The following MED26 variants were observed in gnomAD, a reference collection of about 807,000 sequenced individuals.
The protein encoded by MED26 is mediator of RNA polymerase II transcription subunit 26.
In MED26, 7 loss-of-function variants were observed where a neutral mutation model predicts 43.7. The ratio of observed to expected loss-of-function variants is 0.16; its 90% CI spans 0.09 to 0.30. The LOEUF is 0.30. Ranked by LOEUF, MED26 falls within the 10% of genes least tolerant of loss-of-function variation. The probability of loss-of-function intolerance (pLI) is 1.00; values close to 1 mark genes in which losing one functional copy is unlikely to be tolerated. For synonymous variants in MED26, 375 were observed against 371.1 expected (o/e 1.01, Z -0.12); for missense variants, 784 against 840.6 (o/e 0.93, Z 0.83).
chr19:16,622,731 A>G (rs1389310514), intron 1 of MED26, among the ~76,000 whole-genome samples: 1 of 152,186 alleles, frequency 6.6e-6, no homozygotes, highest in Non-Finnish European at 1.5e-5. Flanking sequence ...GGGACAGCCT[A>G]CCACTAGGAA....
At chr19:16,599,067 C>T (rs537993140) in intron 1 of MED26, among the ~76,000 whole-genome samples, 1 of 152,272 alleles carries the variant, frequency 6.6e-6, no homozygotes, top group East Asian at 1.9e-4. Flanking sequence ...TGTGTCCTGG[C>T]GCTGGTGCAG....
intron 1 of MED26, among the ~76,000 whole-genome samples, chr19:16,591,452 C>T (rs62116876): frequency 1.8e-3 from 271 of 152,324 alleles, no homozygotes; most frequent in Non-Finnish European, 3.2e-3. Flanking sequence ...TTGTGCACTG[C>T]ACTGATTAGG....
chr19:16,627,066 T>C (rs1319705366), intron 1 of MED26, among the ~76,000 whole-genome samples: 1 of 152,116 alleles, frequency 6.6e-6, no homozygotes, highest in Non-Finnish European at 1.5e-5. Flanking sequence ...ACCACCAGGC[T>C]GAGACCCCCA....
rs969017157 is a variant in MED26 at position 16,576,791 on chromosome 19, T to C, written c.1039A>G (p.Ser347Gly). ...CCCGGCCCCGCCAGCCGCTGGTGGC[T>C]CTCAGGCTGCTCAAGCCAGCACACT... ...SPVCWLEQPE[S>G]HQRLAGPGCK... Residue 347 changes from serine (S) to glycine (G), a missense_variant, in exon 3 of 3, where the codon AGC (serine) becomes GGC (glycine). Ser to Gly is a moderately conservative substitution (Grantham distance 56). Coordinates refer to ENST00000263390, the MANE Select transcript of MED26 (RefSeq NM_004831.5). The surrounding 1 kb of genome is among the most constrained non-coding windows in gnomAD (Gnocchi z 6.8). 2.4e-5 allele frequency: 38 copies of C among 1,608,148 alleles called. No individual in the cohort carries two copies. The highest frequency in any genetic ancestry group is 3.1e-5 in the Non-Finnish European group (37 of 1,178,820).
chr19:16,604,738 T>G (rs898981907), intron 1 of MED26, among the ~76,000 whole-genome samples: 21 of 152,200 alleles, frequency 1.4e-4, no homozygotes, highest in Non-Finnish European at 1.5e-5. Flanking sequence ...AAAAGTGTCC[T>G]GGTCTTGATA....
chr19:16,621,585 G>T (rs2086251763), intron 1 of MED26, among the ~76,000 whole-genome samples: 1 of 152,236 alleles, frequency 6.6e-6, no homozygotes, highest in African/African-American at 2.4e-5. Context: ...AGTTCCCAGA[G>T]GGCTGCTGGT....
chr19:16,579,089 A>C (rs2086029816), intron 1 of MED26, among the ~76,000 whole-genome samples: 1 of 152,146 alleles, frequency 6.6e-6, no homozygotes, highest in African/African-American at 2.4e-5. Flanking sequence ...TGACAGAGCA[A>C]GACTCCGTGT....
chr19:16,600,667 C>G (rs2086144322), intron 1 of MED26, among the ~76,000 whole-genome samples: 1 of 152,134 alleles, frequency 6.6e-6, no homozygotes, highest in African/African-American at 2.4e-5. Context: ...CTGGGATTCT[C>G]CTCCCCAACC....
Position 16,628,172 on chromosome 19 carries a change from T to TCGCTGCCGCC in MED26, c.-239_-230dup, listed in dbSNP as rs928826765. 5.9e-4 allele frequency: 209 copies of TCGCTGCCGCC among 357,098 alleles called. No individual in the cohort carries two copies. Among genetic ancestry groups the TCGCTGCCGCC allele is most frequent in the Non-Finnish European group, 9.5e-4 (191 of 201,552 alleles). The allele number at this position is 357,098 out of a possible 1,614,324, so 22.1% of individuals were successfully genotyped here. ...GAGGAGCCGCCGGAGCCGCCGCCGC[T>TCGCTGCCGCC]CGCTGCCGCCGCCTCGAGAACCAAA... is the stretch of plus-strand genomic sequence containing the variant. On this transcript the variant is annotated 5_prime_UTR_variant, in exon 1 of 3. Coordinates refer to ENST00000263390, the MANE Select transcript of MED26 (RefSeq NM_004831.5).
In MED26 at chr19:16,576,062, G is replaced by A. The variant is rs776790095; in HGVS notation, c.1768C>T (p.Arg590Cys). ...CAGACATAAGGCAGAATGTTCAAGC[G>A]CCCGTCGTCGCCGTGCGGATCGAGC... ...ISLDPHGDDGRLNILPYVCLD is the reference protein window; with the variant it reads ...ISLDPHGDDGCLNILPYVCLD The change falls in exon 3 of 3, where the codon CGC becomes TGC. Residue 590 changes from arginine (R) to cysteine (C), a missense_variant. By Grantham distance (180) the Arg-to-Cys change is radical. Transcript: ENST00000263390. The surrounding 1 kb of genome is among the most constrained non-coding windows in gnomAD (Gnocchi z 6.8). 11 of 1,613,490 alleles carry A rather than the reference G, an allele frequency of 6.8e-6. No individual in the cohort carries two copies. The highest frequency in any genetic ancestry group is 2.2e-5 in the South Asian group (2 of 91,086).
rs1209641999 is a variant in MED26 at position 16,577,840 on chromosome 19, G to A, written c.148-158C>T. 9 of 575,278 alleles carry A rather than the reference G, an allele frequency of 1.6e-5. No homozygotes were observed. The highest frequency in any genetic ancestry group is 2.5e-5 in the South Asian group (1 of 40,678). The allele number at this position is 575,278 out of a possible 1,614,324, so 35.6% of individuals were successfully genotyped here. On this transcript the variant is annotated intron_variant, in intron 2 of 2. Coordinates refer to ENST00000263390, the MANE Select transcript of MED26 (RefSeq NM_004831.5). This position sits in a 1 kb window ranked among gnomAD's most constrained non-coding sequence, Gnocchi z 8.1. ...TGACACAAAACTTCTGGGGATTTCC[G>A]GTCCTTTGTGACAATATAAATTCTC...
chr19:16,600,180 G>C (rs1351211828), intron 1 of MED26, among the ~76,000 whole-genome samples: 2 of 151,262 alleles, frequency 1.3e-5, no homozygotes, highest in Non-Finnish European at 2.9e-5. Context: ...GGGCCCTCCT[G>C]CCACAGGTCC....
At chr19:16,601,886 A>T (rs186318031) in intron 1 of MED26, among the ~76,000 whole-genome samples, 1 of 152,312 alleles carries the variant, frequency 6.6e-6, no homozygotes, top group Admixed American at 6.5e-5. Context: ...CACACAGCTG[A>T]AGCAGGGAGA....
chr19:16,598,876 T>C (rs1215116653), intron 1 of MED26, among the ~76,000 whole-genome samples: 3 of 152,098 alleles, frequency 2.0e-5, no homozygotes, highest in African/African-American at 4.8e-5. Context: ...CAGGAGAATG[T>C]TGCTGAAAAA....
chr19:16,601,317 A>G (rs1012460480), intron 1 of MED26, among the ~76,000 whole-genome samples: 3 of 151,902 alleles, frequency 2.0e-5, no homozygotes, highest in African/African-American at 7.3e-5. Context: ...CACCACGCCC[A>G]GCTAATTTTG....
At chr19:16,602,040 T>C (rs1267020505) in intron 1 of MED26, among the ~76,000 whole-genome samples, 1 of 151,972 alleles carries the variant, frequency 6.6e-6, no homozygotes, top group Non-Finnish European at 1.5e-5. Context: ...CCTGCAGGGG[T>C]GTCAGGGGAT....
chr19:16,595,992 C>T (rs1166480825), intron 1 of MED26, among the ~76,000 whole-genome samples: 1 of 152,210 alleles, frequency 6.6e-6, no homozygotes, highest in African/African-American at 2.4e-5. Context: ...GTCATGGCAA[C>T]TGGTACTGCC....
intron 1 of MED26, among the ~76,000 whole-genome samples, chr19:16,606,368 T>C (rs541376246): frequency 6.6e-6 from 1 of 152,040 alleles, no homozygotes; most frequent in South Asian, 2.1e-4. Flanking sequence ...CTGGCCAACA[T>C]AGTGAAACCC....
At chr19:16,599,398 T>C (rs2086138001) in intron 1 of MED26, among the ~76,000 whole-genome samples, 1 of 152,158 alleles carries the variant, frequency 6.6e-6, no homozygotes, top group Non-Finnish European at 1.5e-5. Context: ...CTGGCCATCC[T>C]AAACAAATGT....
Sources: allele counts gnomAD v4.1 joint callset (sites outside exome capture counted in the v4.1 genomes callset), GRCh38; gene constraint gnomAD v4.1.1; non-coding constraint Gnocchi (gnomAD v3.1); transcripts MANE v1.5; gene names NCBI Gene and HGNC (gene_info 2026-07-23, HGNC 2026-07-21).